DMD: variants seen among roughly 807,000 people sequenced by gnomAD.
The protein encoded by DMD is dystrophin, also known as mutant dystrophin.
Under a neutral mutation model 330.1 loss-of-function variants are expected in DMD, and 63 were observed. The ratio of observed to expected loss-of-function variants is 0.19; its 90% CI spans 0.16 to 0.24. DMD has a LOEUF of 0.24. DMD is among the 10% of genes least tolerant of loss of function. The pLI is 1.00. For missense variants in DMD, 3,344 were observed against 2,684.1 expected (o/e 1.25, Z -5.43); for synonymous variants, 1,223 against 959.8 (o/e 1.27, Z -5.07).
chrX:31,766,307 G>A (rs916341230), intron 51 of DMD, among the ~76,000 whole-genome samples: 4 of 111,899 alleles, frequency 3.6e-5, no homozygotes, highest in African/African-American at 1.3e-4. Context: ...TGCCCAGGCT[G>A]GAGTGCAATG....
At chrX:31,612,033 T>A (rs1227486043) in intron 55 of DMD, among the ~76,000 whole-genome samples, 1 of 111,001 alleles carries the variant, frequency 9.0e-6, no homozygotes, top group African/African-American at 3.3e-5. Flanking sequence ...ACATTAATAT[T>A]ATATTATTAT....
intron 62 of DMD, among the ~76,000 whole-genome samples, chrX:31,278,369 G>C (rs2052349930): frequency 9.0e-6 from 1 of 111,333 alleles, no homozygotes; most frequent in Non-Finnish European, 1.9e-5. Context: ...CAAGAGACTG[G>C]AGGAGGATTA....
At chrX:32,986,118 GAAAT>G (rs1174387807) in intron 2 of DMD, among the ~76,000 whole-genome samples, 12 of 111,875 alleles carry the variant, frequency 1.1e-4, no homozygotes, top group African/African-American at 3.9e-4. Context: ...TGAGAAAAGT[GAAAT>G]AATACATGTG....
intron 67 of DMD, among the ~76,000 whole-genome samples, chrX:31,198,530 A>G (rs1023526627): frequency 4.4e-5 from 5 of 112,423 alleles, no homozygotes; most frequent in African/African-American, 1.6e-4. Flanking sequence ...TCAAAATATC[A>G]CATGTAACCC....
intron 60 of DMD, among the ~76,000 whole-genome samples, chrX:31,360,881 A>G (rs1438152668): frequency 1.8e-5 from 2 of 112,297 alleles, no homozygotes; most frequent in African/African-American, 6.5e-5. Context: ...TTAACTAAAA[A>G]TGAGCTAAGG....
intron 44 of DMD, among the ~76,000 whole-genome samples, chrX:32,052,049 GA>G (rs1387446337): frequency 1.8e-5 from 2 of 112,210 alleles, no homozygotes; most frequent in Non-Finnish European, 3.8e-5. Flanking sequence ...GTATTGGGTA[GA>G]AATATATGCT....
At chrX:32,001,975 G>A (rs769770937) in intron 44 of DMD, among the ~76,000 whole-genome samples, 4 of 111,817 alleles carry the variant, frequency 3.6e-5, no homozygotes, top group Admixed American at 9.5e-5. Context: ...GCAAAGAAAT[G>A]TAAGATTTCT....
chrX:32,905,093 A>C (rs1212306978), intron 2 of DMD, among the ~76,000 whole-genome samples: 2 of 112,393 alleles, frequency 1.8e-5, no homozygotes, highest in African/African-American at 6.5e-5. Flanking sequence ...TGTTTTAAAT[A>C]AATATGTAAA....
At chrX:32,613,941 T>A (rs2057368728) in intron 12 of DMD, among the ~76,000 whole-genome samples, 1 of 110,746 alleles carries the variant, frequency 9.0e-6, no homozygotes, top group Non-Finnish European at 1.9e-5. Context: ...TAGCATCTGG[T>A]GAGGGCCTTT....
intron 1 of DMD, among the ~76,000 whole-genome samples, chrX:33,025,995 C>A (rs1025158267): frequency 1.8e-5 from 2 of 111,558 alleles, no homozygotes; most frequent in Non-Finnish European, 3.8e-5. Flanking sequence ...AGTTTAGAAA[C>A]TCACGTAGTG....
At chrX:31,299,291 TTAGAG>T (rs2054449949) in intron 62 of DMD, among the ~76,000 whole-genome samples, 1 of 111,375 alleles carries the variant, frequency 9.0e-6, no homozygotes, top group Admixed American at 9.5e-5. Flanking sequence ...AAAGAAAGCT[TTAGAG>T]TAGAACAGTT....
At chrX:33,009,885 CACATATGTGTAT>C (rs2093618400) in intron 2 of DMD, among the ~76,000 whole-genome samples, 1 of 58,310 alleles carries the variant, frequency 1.7e-5, no homozygotes, top group Non-Finnish European at 2.9e-5. Context: ...TGTATATACA[CACATATGTGTAT>C]ATGTGTGTAT....
In DMD at chrX:31,416,422, A is replaced by G. The variant is rs142317830; in HGVS notation, c.9084+28059T>C. 4.8e-3 allele frequency among the ~76,000 whole-genome samples: 540 copies of G among 112,647 alleles called. 4 individuals are homozygous for G. Among genetic ancestry groups the G allele is most frequent in the African/African-American group, 0.016 (512 of 31,053 alleles). On this transcript the variant is annotated intron_variant, in intron 60 of 78. Coordinates refer to ENST00000357033, the MANE Select transcript of DMD (RefSeq NM_004006.3). ...CCCTAACATTGCATAAACAGGATAT[A>G]AGAATCCAGCAAAACCTGTTGCTTG...
At chrX:32,184,717 T>TAGTAAGATCA (rs1400796476) in intron 44 of DMD, among the ~76,000 whole-genome samples, 1 of 110,877 alleles carries the variant, frequency 9.0e-6, no homozygotes, top group Non-Finnish European at 1.9e-5. Flanking sequence ...TTTGAAGCCT[T>TAGTAAGATCA]AGTAAGATCA....
intron 1 of DMD, among the ~76,000 whole-genome samples, chrX:33,069,581 C>A (rs1483180325): frequency 9.0e-6 from 1 of 111,555 alleles, no homozygotes; most frequent in Non-Finnish European, 1.9e-5. Flanking sequence ...AGGACCTTGT[C>A]AACATCTATC....
intron 55 of DMD, among the ~76,000 whole-genome samples, chrX:31,550,341 A>ACC (rs1297377723): frequency 8.9e-6 from 1 of 112,147 alleles, no homozygotes; most frequent in Non-Finnish European, 1.9e-5. Context: ...AGGGTGGGGT[A>ACC]TAATGACAAG....
At chrX:32,632,630 C>A (rs886588968) in intron 11 of DMD, among the ~76,000 whole-genome samples, 1 of 111,476 alleles carries the variant, frequency 9.0e-6, no homozygotes, top group African/African-American at 3.3e-5. Flanking sequence ...GCACTCTGTG[C>A]ACCTGCAGGC....
chrX:31,734,919 T>C (rs927522595), intron 51 of DMD, among the ~76,000 whole-genome samples: 1 of 111,759 alleles, frequency 8.9e-6, no homozygotes, highest in African/African-American at 3.3e-5. Context: ...ACACCACTGC[T>C]CCTCATACCC....
chrX:32,778,237 T>A (rs1290021278), intron 7 of DMD, among the ~76,000 whole-genome samples: 2 of 85,846 alleles, frequency 2.3e-5, no homozygotes, highest in African/African-American at 8.7e-5. Context: ...AAATGTCAGA[T>A]CCTCGCAAAA....
Sources: allele counts gnomAD v4.1 joint callset (sites outside exome capture counted in the v4.1 genomes callset), GRCh38; gene constraint gnomAD v4.1.1; transcripts MANE v1.5; gene names NCBI Gene and HGNC (gene_info 2026-07-23, HGNC 2026-07-21).